The following KPNA1 variants were observed in gnomAD, a reference collection of about 807,000 sequenced individuals.
The protein encoded by KPNA1 is importin subunit alpha-5.
In KPNA1, 10 loss-of-function variants were observed where a neutral mutation model predicts 70.5. That is an observed-to-expected ratio of 0.14 (90% confidence interval 0.09 to 0.24). The LOEUF (loss-of-function observed/expected upper bound fraction) is 0.24. Among genes scored for constraint, KPNA1 ranks in the 10% least tolerant of loss-of-function variants. The pLI, the probability that KPNA1 is intolerant of heterozygous loss-of-function variation, is 1.00. For synonymous variants in KPNA1, 192 were observed against 221.9 expected, an observed-to-expected ratio of 0.87 and a Z score of 1.20; for missense variants, 397 against 637.9, an observed-to-expected ratio of 0.62 and a Z score of 4.07.
intron 1 of KPNA1, among the ~76,000 whole-genome samples, chr3:122,506,944 T>C (rs2107509272): frequency 6.6e-6 from 1 of 152,304 alleles, no homozygotes; most frequent in Middle Eastern, 3.4e-3. Flanking sequence ...ACTAGTAGTA[T>C]GTGTAAGACT....
At chr3:122,437,089 T>C in intron 11 of KPNA1, 81 bp downstream of exon 11, 2 of 1,449,554 alleles carry the variant, frequency 1.4e-6, no homozygotes, top group African/African-American at 2.8e-5. Context: ...CAAAAACAAA[T>C]GTGTTTTAAA....
intron 1 of KPNA1, among the ~76,000 whole-genome samples, chr3:122,498,076 C>A (rs1431747534): frequency 6.6e-6 from 1 of 152,140 alleles, no homozygotes; most frequent in African/African-American, 2.4e-5. Flanking sequence ...GAGAGTCCAA[C>A]CTCATTTTTT....
At chr3:122,457,609 T>C in intron 5 of KPNA1, 1 of 909,382 alleles carries the variant, frequency 1.1e-6, no homozygotes, top group Non-Finnish European at 1.5e-6. Flanking sequence ...AGGCTACACC[T>C]GAAATCTGCA....
intron 2 of KPNA1, among the ~76,000 whole-genome samples, chr3:122,487,470 T>C (rs898553723): frequency 3.3e-5 from 5 of 152,220 alleles, no homozygotes; most frequent in Admixed American, 1.3e-4. Context: ...CTCATGCTCA[T>C]TGCAGCATTA....
Position 122,423,695 on chromosome 3 carries a change from T to C in KPNA1, c.*3290A>G, listed in dbSNP as rs1357103420. The C allele has an allele frequency of 6.6e-6, 1 of 152,614 alleles. No homozygotes were observed. The highest frequency in any genetic ancestry group is 1.5e-5 in the Non-Finnish European group (1 of 68,022). 9.5% of individuals were successfully genotyped at this position (152,614 alleles called of 1,614,324 possible). ...GCCTGTGGGTAGACGTACAATAGAATTGGTTGACAAAGTTTGGTTTATAAA... is the reference window on the plus strand; with the variant it reads ...GCCTGTGGGTAGACGTACAATAGAACTGGTTGACAAAGTTTGGTTTATAAA... On this transcript the variant is annotated 3_prime_UTR_variant, in exon 14 of 14. Transcript: ENST00000344337.
intron 5 of KPNA1, chr3:122,457,799 C>T (rs551291051): frequency 3.1e-6 from 4 of 1,289,876 alleles, no homozygotes; most frequent in Non-Finnish European, 4.0e-6. Flanking sequence ...GACTCTGTTG[C>T]TGGCCACTTT....
At position 122,485,904 on chromosome 3, in the gene KPNA1, T is replaced by C. The variant is rs180848371; in HGVS notation, c.129+10533A>G. The stretch of plus-strand genomic sequence containing the variant: ...GATGCTTACAACTTTATTTATTAGG[T>C]GAATGAAAACTGAAACCATCATGGA... On this transcript the variant is annotated intron_variant, in intron 2 of 13. Transcript: ENST00000344337. 3.3e-5 allele frequency among the ~76,000 whole-genome samples: 5 copies of C among 152,304 alleles called. No individual in the cohort carries two copies. In the East Asian group the frequency reaches 9.6e-4, roughly 29 times the overall value.
intron 12 of KPNA1, among the ~76,000 whole-genome samples, chr3:122,430,830 C>T (rs1023135427): frequency 3.9e-5 from 6 of 152,158 alleles, no homozygotes; most frequent in African/African-American, 9.7e-5. Context: ...TTGTGTCACT[C>T]GTGAGCTTAG....
intron 2 of KPNA1, among the ~76,000 whole-genome samples, chr3:122,478,592 CAT>C (rs752684732): frequency 1.3e-5 from 2 of 151,968 alleles, no homozygotes; most frequent in African/African-American, 4.8e-5. Context: ...CATGTTGGCA[CAT>C]GTCTGTAATC....
At chr3:122,457,622 C>G in intron 5 of KPNA1, 1 of 1,026,162 alleles carries the variant, frequency 9.7e-7, no homozygotes, top group East Asian at 6.0e-5. Flanking sequence ...AATCTGCACA[C>G]TGAAGGTTTG....
intron 5 of KPNA1, chr3:122,460,243 A>G: frequency 2.0e-6 from 2 of 985,342 alleles, no homozygotes; most frequent in Non-Finnish European, 2.4e-6. Context: ...AAAAATCATC[A>G]GTTTCTAAAA....
Position 122,427,374 on chromosome 3 carries a change from C to T in KPNA1, c.1429+164G>A, listed in dbSNP as rs1200826144. ...TCTGAAAGCTAGTATTATAAACTGACATCTTAAATACATATGCAAGTAATA... is the reference window on the plus strand; with the variant it reads ...TCTGAAAGCTAGTATTATAAACTGATATCTTAAATACATATGCAAGTAATA... On this transcript the variant is annotated intron_variant, in intron 13 of 13. Transcript: ENST00000344337. The T allele has an allele frequency of 9.1e-6, 7 of 765,638 alleles. No individual in the cohort carries two copies. In the East Asian group the frequency reaches 1.9e-4, roughly 21 times the overall value. 47.4% of individuals were successfully genotyped at this position (765,638 alleles called of 1,614,324 possible).
At chr3:122,445,972 C>G (rs1393095944) in intron 9 of KPNA1, among the ~76,000 whole-genome samples, 3 of 152,190 alleles carry the variant, frequency 2.0e-5, no homozygotes, top group Admixed American at 2.0e-4. Flanking sequence ...GAAGAGCTAA[C>G]TATCCTAAAT....
chr3:122,506,379 T>C (rs1234556541), intron 1 of KPNA1, among the ~76,000 whole-genome samples: 2 of 152,230 alleles, frequency 1.3e-5, no homozygotes, highest in African/African-American at 2.4e-5. Context: ...AGTATAAGTA[T>C]AAAGTGTTCA....
intron 2 of KPNA1, among the ~76,000 whole-genome samples, chr3:122,486,870 T>C (rs1560048700): frequency 6.6e-6 from 1 of 152,096 alleles, no homozygotes; most frequent in Non-Finnish European, 1.5e-5. Context: ...TACAATTCTG[T>C]ACATTCTTAA....
chr3:122,452,194 A>G (rs2076209126), intron 6 of KPNA1, 130 bp from the exon 7 acceptor site: 1 of 741,256 alleles, frequency 1.3e-6, no homozygotes, highest in Non-Finnish European at 2.4e-6. Flanking sequence ...TGGGGGAGGA[A>G]GATAAATAAT....
intron 1 of KPNA1, among the ~76,000 whole-genome samples, chr3:122,504,015 A>G (rs2076859756): frequency 6.6e-6 from 1 of 152,216 alleles, no homozygotes; most frequent in Non-Finnish European, 1.5e-5. Flanking sequence ...GTATGATACA[A>G]TAGTAGTTAA....
Position 122,433,806 on chromosome 3 carries a change from C to A in KPNA1, c.1123-18G>T, listed in dbSNP as rs763772180. ...ATCACAGTCTAAAATTAAAGAAAAA[C>A]TTAAATGGAAAAAACTGTGAGATTT... On this transcript the variant is annotated intron_variant, in intron 11 of 13. Coordinates refer to ENST00000344337, the MANE Select transcript of KPNA1 (RefSeq NM_002264.4). 6.4e-7 allele frequency: 1 copy of A among 1,558,594 alleles called. No homozygotes were observed. Among genetic ancestry groups the A allele is most frequent in the Non-Finnish European group, 8.7e-7 (1 of 1,154,474 alleles).
chr3:122,436,903 G>A (rs1220153545), intron 11 of KPNA1, among the ~76,000 whole-genome samples: 5 of 152,044 alleles, frequency 3.3e-5, no homozygotes, highest in East Asian at 3.9e-4. Flanking sequence ...TCAGCCTCCC[G>A]CGTAGCTGGG....
Sources: allele counts gnomAD v4.1 joint callset (sites outside exome capture counted in the v4.1 genomes callset), GRCh38; gene constraint gnomAD v4.1.1; transcripts MANE v1.5; gene names NCBI Gene and HGNC (gene_info 2026-07-23, HGNC 2026-07-21).